GOLGA5: variants seen among roughly 807,000 people sequenced by gnomAD.
GOLGA5 encodes the protein golgin subfamily A member 5.
In GOLGA5, 50 loss-of-function variants were observed where a neutral mutation model predicts 93.5. That is an observed-to-expected ratio of 0.53 (90% CI 0.43 to 0.68). The LOEUF (loss-of-function observed/expected upper bound fraction) is 0.68, where lower values mean the gene tolerates loss of function less well. Ranked by LOEUF, GOLGA5 falls within the 30% of genes least tolerant of loss-of-function variation. GOLGA5 has a pLI of 0.00. For missense variants in GOLGA5, 760 were observed against 856.4 expected (o/e 0.89, Z 1.40); for synonymous variants, 312 against 304.5 (o/e 1.02, Z -0.26).
At chr14:92,826,968 A>G (rs1885435954) in intron 9 of GOLGA5, among the ~76,000 whole-genome samples, 1 of 152,194 alleles carries the variant, frequency 6.6e-6, no homozygotes, top group Admixed American at 6.5e-5. Flanking sequence ...CATAAAAATT[A>G]AAATTTTCTT....
At chr14:92,800,697 T>TTTG (rs754880453) in intron 2 of GOLGA5, among the ~76,000 whole-genome samples, 2 of 152,146 alleles carry the variant, frequency 1.3e-5, no homozygotes, top group African/African-American at 2.4e-5. Flanking sequence ...GGCATCTGAT[T>TTTG]TTGTTGTTGT....
chr14:92,807,830 C>T (rs1171215044), intron 3 of GOLGA5, among the ~76,000 whole-genome samples: 1 of 151,820 alleles, frequency 6.6e-6, no homozygotes, highest in East Asian at 1.9e-4. Context: ...AAACGAGTGA[C>T]AAAATTGCTG....
intron 6 of GOLGA5, among the ~76,000 whole-genome samples, chr14:92,811,988 G>A (rs1441976236): frequency 6.6e-6 from 1 of 152,084 alleles, no homozygotes; most frequent in Non-Finnish European, 1.5e-5. Flanking sequence ...TCTTCAACCT[G>A]TCACCTTACT....
chr14:92,815,759 G>A lies in GOLGA5; in HGVS notation c.1321-492G>A, dbSNP rs189433280. The stretch of plus-strand genomic sequence containing the variant: ...GGCTCTGTCACCCAGGCTGGAGTGC[G>A]GTGGCGCGATCTCGGCTCACTGCAA... On this transcript the variant is annotated intron_variant, in intron 6 of 12. Transcript: ENST00000163416. Among the ~76,000 whole-genome samples, 531 of 148,470 alleles carry A rather than the reference G, an allele frequency of 3.6e-3. 2 individuals are homozygous for A. The highest frequency in any genetic ancestry group is 0.012 in the African/African-American group (492 of 40,072).
chr14:92,829,872 GTTATC>G lies in GOLGA5; in HGVS notation c.1720-3245_1720-3241del, dbSNP rs752117975. On this transcript the variant is annotated intron_variant, in intron 9 of 12. Transcript: ENST00000163416. ...ACCCATCGATGTGACAAACTTTGTTGTTATCTTATTTTAAGAAATTGCCACATCCA... is the reference window on the plus strand; with the variant it reads ...ACCCATCGATGTGACAAACTTTGTTGTTATTTTAAGAAATTGCCACATCCA... Among the ~76,000 whole-genome samples, 90 of 152,220 alleles carry G rather than the reference GTTATC, an allele frequency of 5.9e-4. 2 individuals carry two copies. Among genetic ancestry groups the G allele is most frequent in the Non-Finnish European group, 5.3e-4 (36 of 68,004 alleles).
intron 8 of GOLGA5, 78 bp downstream of exon 8, chr14:92,819,914 T>A: frequency 6.8e-7 from 1 of 1,459,940 alleles, no homozygotes; most frequent in African/African-American, 1.5e-5. Context: ...GAAAGCAGCT[T>A]ACTGAAATTT....
chr14:92,805,038 T>C (rs7158454), intron 2 of GOLGA5, among the ~76,000 whole-genome samples: 112,171 of 152,064 alleles, frequency 0.74, 41,818 homozygotes, highest in East Asian at 0.85. Flanking sequence ...TTAGGTAAAA[T>C]GTACATATAT....
intron 6 of GOLGA5, among the ~76,000 whole-genome samples, chr14:92,812,037 T>TA (rs1885113754): frequency 6.6e-6 from 1 of 152,228 alleles, no homozygotes; most frequent in African/African-American, 2.4e-5. Flanking sequence ...GAGCAGCTGT[T>TA]TATTCTTCCT....
intron 2 of GOLGA5, among the ~76,000 whole-genome samples, chr14:92,799,702 G>A (rs1413131287): frequency 6.6e-6 from 1 of 152,004 alleles, no homozygotes; most frequent in Non-Finnish European, 1.5e-5. Flanking sequence ...CACCTCCTGG[G>A]TTCAAGCGAT....
intron 9 of GOLGA5, among the ~76,000 whole-genome samples, chr14:92,825,847 C>A (rs1350672439): frequency 8.3e-6 from 1 of 120,646 alleles, no homozygotes. Context: ...CAGAGTGAGA[C>A]CCTGTCTCAA....
chr14:92,797,198 A>G (rs1284227606), intron 1 of GOLGA5, among the ~76,000 whole-genome samples: 1 of 152,140 alleles, frequency 6.6e-6, no homozygotes, highest in Non-Finnish European at 1.5e-5. Context: ...ATTTCATCAT[A>G]AAACCATCCT....
chr14:92,827,001 AT>A (rs1447684324), intron 9 of GOLGA5, among the ~76,000 whole-genome samples: 1 of 152,206 alleles, frequency 6.6e-6, no homozygotes, highest in East Asian at 1.9e-4. Context: ...GATTATAAAA[AT>A]AAAAACAGGT....
chr14:92,812,290 T>C lies in GOLGA5; in HGVS notation c.1320+536T>C, dbSNP rs541923949. ...TTCCTGCCTGTGCATTGATTCCATC[T>C]CCCATCTCATGTGTAAGCCCTTTCT... On this transcript the variant is annotated intron_variant, in intron 6 of 12. Transcript: ENST00000163416. Among the ~76,000 whole-genome samples, 7 of 152,336 alleles carry C rather than the reference T, an allele frequency of 4.6e-5. No homozygotes were observed. In the East Asian group the frequency reaches 1.4e-3, roughly 29 times the overall value.
At position 92,816,344 on chromosome 14, in the gene GOLGA5, C is replaced by T. The variant is rs34964124; in HGVS notation, c.1414C>T (p.Arg472Trp). 34 of 1,613,804 alleles carry T rather than the reference C, an allele frequency of 2.1e-5. No homozygotes were observed. The African/African-American group carries it at 2.7e-4, about 13-fold the overall frequency. ...TASSMELEEL[R>W]HEKEMQREEI... ...CAGTAGCATGGAGCTGGAAGAACTT[C>T]GGCATGAGAAAGAGATGCAGAGGGA... Residue 472 changes from arginine to tryptophan, a missense_variant, in exon 7 of 13, where the codon CGG (arginine) becomes TGG (tryptophan). Transcript: ENST00000163416.
chr14:92,798,070 T>A, intron 2 of GOLGA5, 89 bp downstream of exon 2: 1 of 882,292 alleles, frequency 1.1e-6, no homozygotes, highest in Non-Finnish European at 1.8e-6. Flanking sequence ...TCTACTGTTA[T>A]GGAATCTGTC....
intron 6 of GOLGA5, among the ~76,000 whole-genome samples, chr14:92,812,468 T>G (rs2140321291): frequency 6.6e-6 from 1 of 152,342 alleles, no homozygotes; most frequent in East Asian, 1.9e-4. Flanking sequence ...TTTAGCTTTG[T>G]GACCACTTTG....
At chr14:92,799,152 T>TAATAGA (rs1168050813) in intron 2 of GOLGA5, among the ~76,000 whole-genome samples, 3 of 152,060 alleles carry the variant, frequency 2.0e-5, no homozygotes, top group Non-Finnish European at 4.4e-5. Context: ...AAATTATTTT[T>TAATAGA]AATAGAAACA....
At chr14:92,835,509 C>A in intron 10 of GOLGA5, 50 bp from the exon 11 acceptor site, 1 of 1,252,872 alleles carries the variant, frequency 8.0e-7, no homozygotes, top group South Asian at 1.2e-5. Flanking sequence ...TTATAATTGT[C>A]TTAGTTAATT....
At chr14:92,821,219 A>C (rs8011885) in intron 8 of GOLGA5, among the ~76,000 whole-genome samples, 112,178 of 152,090 alleles carry the variant, frequency 0.74, 41,818 homozygotes, top group East Asian at 0.85. Flanking sequence ...TTCTAGGAAC[A>C]GCAGTAAATA....
Sources: allele counts gnomAD v4.1 joint callset (sites outside exome capture counted in the v4.1 genomes callset), GRCh38; gene constraint gnomAD v4.1.1; transcripts MANE v1.5; gene names NCBI Gene and HGNC (gene_info 2026-07-23, HGNC 2026-07-21).